The following NAV2 variants were observed in gnomAD, a reference collection of about 807,000 sequenced individuals.
NAV2 encodes the protein neuron navigator 2.
A neutral mutation model predicts 223.2 loss-of-function variants in NAV2; 54 were observed. The observed-to-expected ratio is 0.24, with a 90% CI of 0.19 to 0.30. The LOEUF is 0.30. Ranked by LOEUF, NAV2 falls within the 10% of genes least tolerant of loss-of-function variation. The pLI is 1.00. For synonymous variants in NAV2, 1,279 were observed against 1,239.3 expected (o/e 1.03, Z -0.67); for missense variants, 2,806 against 3,147.5 (o/e 0.89, Z 2.60).
intron 10 of NAV2, among the ~76,000 whole-genome samples, chr11:19,977,712 A>G (rs2049889759): frequency 1.3e-5 from 2 of 151,154 alleles, no homozygotes; most frequent in Non-Finnish European, 2.9e-5. Context: ...TTTTTTTTCC[A>G]GTCATATTTT....
intron 1 of NAV2, among the ~76,000 whole-genome samples, chr11:19,678,717 C>A (rs775221460): frequency 1.3e-5 from 2 of 152,238 alleles, no homozygotes; most frequent in African/African-American, 4.8e-5. Context: ...GGGGCATCAT[C>A]TTCCGAGATA....
At position 19,764,079 on chromosome 11, in the gene NAV2, G is replaced by A. The variant is rs189238288; in HGVS notation, c.267+50117G>A. 1.9e-3 allele frequency among the ~76,000 whole-genome samples: 296 copies of A among 152,192 alleles called. 3 individuals are homozygous for A. The highest frequency in any genetic ancestry group is 0.011 in the Admixed American group (166 of 15,284). On this transcript the variant is annotated intron_variant, in intron 1 of 37. Coordinates refer to ENST00000349880, the MANE Select transcript of NAV2 (RefSeq NM_145117.5). Reference sequence around the variant, plus strand: ...ATTTTTTCCATTCCTGAAGTTCTTCGTTTTTTAGAACAAGTGGATTGGCAC... The same window carrying A: ...ATTTTTTCCATTCCTGAAGTTCTTCATTTTTTAGAACAAGTGGATTGGCAC...
At position 19,800,672 on chromosome 11, in the gene NAV2, GGTGTGTGTGT is replaced by G. The variant is rs142402876; in HGVS notation, c.268-31787_268-31778del. Among the ~76,000 whole-genome samples, 120 of 145,954 alleles carry G rather than the reference GGTGTGTGTGT, an allele frequency of 8.2e-4. 1 individual carries two copies. The highest frequency in any genetic ancestry group is 2.4e-3 in the African/African-American group (97 of 39,964). ...AAAAAGAGAGAAAAAAAGGAGAATGGGTGTGTGTGTGTGTGTGTGTGTGTGTGTGTGTGTT... is the reference window on the plus strand; with the variant it reads ...AAAAAGAGAGAAAAAAAGGAGAATGGGTGTGTGTGTGTGTGTGTGTGTGTT... On this transcript the variant is annotated intron_variant, in intron 1 of 37. Transcript: ENST00000349880.
intron 1 of NAV2, among the ~76,000 whole-genome samples, chr11:19,486,276 A>G (rs988406204): frequency 7.9e-5 from 12 of 152,036 alleles, no homozygotes; most frequent in Admixed American, 7.2e-4. Context: ...TCTTCCTGGG[A>G]CCCTGTGCCT....
intron 1 of NAV2, among the ~76,000 whole-genome samples, chr11:19,597,857 G>A (rs2046245751): frequency 6.6e-6 from 1 of 152,338 alleles, no homozygotes; most frequent in South Asian, 2.1e-4. Flanking sequence ...TGAGATGAGT[G>A]GAGGAATGGC....
intron 22 of NAV2, among the ~76,000 whole-genome samples, chr11:20,074,125 A>G (rs774818612): frequency 2.0e-5 from 3 of 152,166 alleles, no homozygotes; most frequent in Non-Finnish European, 4.4e-5. Context: ...ATATTCTAGT[A>G]TGTTGTATCT....
intron 1 of NAV2, among the ~76,000 whole-genome samples, chr11:19,386,118 G>A (rs932328147): frequency 2.0e-5 from 3 of 152,156 alleles, no homozygotes; most frequent in Non-Finnish European, 4.4e-5. Flanking sequence ...TTAAATTAAT[G>A]CAGTCTTAAA....
chr11:19,739,815 AG>A (rs1156262132), intron 1 of NAV2, among the ~76,000 whole-genome samples: 1 of 152,230 alleles, frequency 6.6e-6, no homozygotes, highest in Non-Finnish European at 1.5e-5. Flanking sequence ...CCTCTGAAGA[AG>A]GAAGCAGCGG....
intron 1 of NAV2, among the ~76,000 whole-genome samples, chr11:19,453,262 A>G (rs1007354172): frequency 9.2e-5 from 14 of 152,170 alleles, no homozygotes; most frequent in Non-Finnish European, 1.3e-4. Flanking sequence ...TTCAAAATAA[A>G]CAGGTGGATC....
At chr11:19,681,071 C>A (rs867542188) in intron 1 of NAV2, among the ~76,000 whole-genome samples, 1 of 152,188 alleles carries the variant, frequency 6.6e-6, no homozygotes, top group Admixed American at 6.5e-5. Flanking sequence ...TCATTATCCC[C>A]ACTTACAGAT....
At chr11:19,808,589 T>A (rs1393840954) in intron 1 of NAV2, among the ~76,000 whole-genome samples, 4 of 152,268 alleles carry the variant, frequency 2.6e-5, no homozygotes, top group Non-Finnish European at 2.9e-5. Flanking sequence ...AAGAGATTTA[T>A]AGCAAGTTTA....
chr11:19,379,245 A>C (rs1848751614), intron 1 of NAV2, among the ~76,000 whole-genome samples: 8 of 152,308 alleles, frequency 5.3e-5, no homozygotes, highest in South Asian at 4.1e-4. Flanking sequence ...GGGCAAGGAC[A>C]CTGAGGCCCT....
intron 6 of NAV2, among the ~76,000 whole-genome samples, chr11:19,924,295 T>TAAAAAAAAAAAAAAAAAA (rs76734395): frequency 7.7e-6 from 1 of 129,610 alleles, no homozygotes; most frequent in African/African-American, 3.0e-5. Flanking sequence ...GGTAATTCTT[T>TAAAAAAAAAAAAAAAAAA]AAAAAAAAAA....
intron 1 of NAV2, among the ~76,000 whole-genome samples, chr11:19,625,511 C>G (rs10833141): frequency 0.026 from 3,969 of 152,204 alleles, 80 homozygotes; most frequent in East Asian, 0.059. Flanking sequence ...CTGCAATAAA[C>G]ATGGAGGTGC....
At chr11:19,484,439 C>T (rs1490205059) in intron 1 of NAV2, among the ~76,000 whole-genome samples, 2 of 152,144 alleles carry the variant, frequency 1.3e-5, no homozygotes, top group Non-Finnish European at 1.5e-5. Context: ...GAAAACAGTC[C>T]CCAAAAGAGC....
intron 11 of NAV2, among the ~76,000 whole-genome samples, chr11:20,029,930 ATTGT>A (rs769079643): frequency 1.3e-5 from 2 of 152,174 alleles, no homozygotes; most frequent in Non-Finnish European, 2.9e-5. Context: ...TTTTGTGTTG[ATTGT>A]TCTGATGAAT....
intron 1 of NAV2, among the ~76,000 whole-genome samples, chr11:19,748,593 G>A (rs920382787): frequency 2.0e-5 from 3 of 152,222 alleles, no homozygotes; most frequent in Non-Finnish European, 4.4e-5. Flanking sequence ...GCCTAGCATG[G>A]TGCCTGGCAC....
chr11:19,346,487 G>A (rs917350965), upstream of NAV2, among the ~76,000 whole-genome samples: 2 of 152,236 alleles, frequency 1.3e-5, no homozygotes, highest in Non-Finnish European at 2.9e-5. Context: ...GGGAGCCGCG[G>A]TGCCTCCCGG....
At chr11:19,391,044 C>T (rs1233279934) in intron 1 of NAV2, among the ~76,000 whole-genome samples, 1 of 152,096 alleles carries the variant, frequency 6.6e-6, no homozygotes. Flanking sequence ...ATAATTTGCC[C>T]ATAGGTATCC....
Sources: gnomAD v4.1 joint callset for allele counts (sites outside exome capture counted in the v4.1 genomes callset) on GRCh38, gnomAD v4.1.1 for gene constraint, MANE v1.5 for transcripts, NCBI Gene and HGNC (gene_info 2026-07-23, HGNC 2026-07-21) for gene names.